Variants in ZSWIM6 observed in about 807,000 individuals in gnomAD.
ZSWIM6 encodes zinc finger SWIM-type containing 6.
Under a neutral mutation model 113.2 loss-of-function variants are expected in ZSWIM6, and 9 were observed. The ratio of observed to expected loss-of-function variants is 0.08; its 90% CI spans 0.05 to 0.14. ZSWIM6 has a LOEUF of 0.14. Among genes scored for constraint, ZSWIM6 ranks in the 10% least tolerant of loss-of-function variants. The pLI, the probability that ZSWIM6 is intolerant of heterozygous loss-of-function variation, is 1.00. For missense variants in ZSWIM6, 1,162 were observed against 1,552.2 expected (o/e 0.75, Z 4.22); for synonymous variants, 611 against 606.5 (o/e 1.01, Z -0.11).
At chr5:61,483,271 C>T (rs1388363841) in intron 2 of ZSWIM6, among the ~76,000 whole-genome samples, 1 of 152,062 alleles carries the variant, frequency 6.6e-6, no homozygotes, top group African/African-American at 2.4e-5. Context: ...CCCATGATAA[C>T]CCATTAATCC....
At chr5:61,434,519 C>T (rs955866487) in intron 1 of ZSWIM6, among the ~76,000 whole-genome samples, 10 of 151,652 alleles carry the variant, frequency 6.6e-5, no homozygotes, top group African/African-American at 2.4e-4. Flanking sequence ...TAGTTTAGTT[C>T]CCACTTGTGA....
chr5:61,332,583 C>G lies in ZSWIM6; in HGVS notation c.311C>G (p.Pro104Arg). ...VEERFERIPE[P>R]VQRRIVYWSF... ...GAGCGCTTTGAGCGCATCCCGGAGCCGGTGCAGCGCCGCATAGTCTATTGG... is the reference window on the plus strand; with the variant it reads ...GAGCGCTTTGAGCGCATCCCGGAGCGGGTGCAGCGCCGCATAGTCTATTGG... The change falls in exon 1 of 14, where the codon CCG becomes CGG. Residue 104 changes from proline to arginine, a missense_variant. By Grantham distance (103) the Pro-to-Arg change is moderately radical. This residue lies in a region of ZSWIM6 where 333 missense variants were observed against 293.4 expected (regional missense o/e 1.13). Coordinates refer to ENST00000252744, the MANE Select transcript of ZSWIM6 (RefSeq NM_020928.2). 7.4e-7 allele frequency: 1 copy of G among 1,355,262 alleles called. No individual in the cohort carries two copies. Among genetic ancestry groups the G allele is most frequent in the Non-Finnish European group, 9.7e-7 (1 of 1,026,296 alleles). The allele number at this position is 1,355,262 out of a possible 1,614,324, so 84.0% of individuals were successfully genotyped here. A position where few individuals can be genotyped will look rare whatever the true frequency, so the allele number is the denominator to read the frequency against.
At chr5:61,486,451 A>G (rs1294298725) in intron 2 of ZSWIM6, among the ~76,000 whole-genome samples, 2 of 152,152 alleles carry the variant, frequency 1.3e-5, no homozygotes, top group African/African-American at 4.8e-5. Flanking sequence ...TCCTCTGGGT[A>G]GATACCCAGT....
intron 4 of ZSWIM6, among the ~76,000 whole-genome samples, chr5:61,500,126 T>TATTATTATC (rs913117323): frequency 4.1e-5 from 6 of 145,794 alleles, no homozygotes; most frequent in African/African-American, 7.7e-5. Flanking sequence ...TTATTATTAT[T>TATTATTATC]ATCATTATCA....
At chr5:61,344,410 C>T (rs1744612664) in intron 1 of ZSWIM6, among the ~76,000 whole-genome samples, 1 of 152,164 alleles carries the variant, frequency 6.6e-6, no homozygotes, top group Admixed American at 6.5e-5. Context: ...TCAAGTGAGA[C>T]TTGAGGGCAG....
At chr5:61,481,714 C>T (rs2112199571) in intron 2 of ZSWIM6, among the ~76,000 whole-genome samples, 1 of 152,132 alleles carries the variant, frequency 6.6e-6, no homozygotes, top group East Asian at 1.9e-4. Context: ...AGTGGTCCTT[C>T]ATGTCCATGA....
At chr5:61,338,731 T>A (rs1397335203) in intron 1 of ZSWIM6, among the ~76,000 whole-genome samples, 1 of 152,220 alleles carries the variant, frequency 6.6e-6, no homozygotes, top group Non-Finnish European at 1.5e-5. Context: ...TTCATTCTTT[T>A]TAAAGTCTTT....
rs758185983 is a variant in ZSWIM6, at chr5:61,405,593, G to C, written c.677-67088G>C. ...AGATTGGTATTTTCTGTTCTTGGGA[G>C]GGTATTCCAGATACAGGAAAACTTG... is the stretch of plus-strand genomic sequence containing the variant. On this transcript the variant is annotated intron_variant, in intron 1 of 13. Coordinates refer to ENST00000252744, the MANE Select transcript of ZSWIM6 (RefSeq NM_020928.2). 5.3e-5 allele frequency among the ~76,000 whole-genome samples: 8 copies of C among 152,138 alleles called. 1 individual carries two copies. Among genetic ancestry groups the C allele is most frequent in the Non-Finnish European group, 1.5e-5 (1 of 68,018 alleles).
At chr5:61,352,889 A>G (rs1744822633) in intron 1 of ZSWIM6, among the ~76,000 whole-genome samples, 2 of 152,168 alleles carry the variant, frequency 1.3e-5, no homozygotes, top group Admixed American at 1.3e-4. Flanking sequence ...TGCATAGGTC[A>G]GTTCTCTTCT....
At chr5:61,350,561 T>C (rs1744761620) in intron 1 of ZSWIM6, among the ~76,000 whole-genome samples, 1 of 152,170 alleles carries the variant, frequency 6.6e-6, no homozygotes, top group African/African-American at 2.4e-5. Flanking sequence ...TGATTTTTTT[T>C]CTCAATTTAA....
At chr5:61,514,633 A>G (rs542056761) in intron 4 of ZSWIM6, among the ~76,000 whole-genome samples, 4 of 152,092 alleles carry the variant, frequency 2.6e-5, no homozygotes, top group Non-Finnish European at 5.9e-5. Flanking sequence ...TGAGATTATT[A>G]TATGGTTTTT....
intron 1 of ZSWIM6, among the ~76,000 whole-genome samples, chr5:61,368,872 T>A (rs924570737): frequency 2.6e-5 from 4 of 152,202 alleles, no homozygotes; most frequent in Non-Finnish European, 5.9e-5. Flanking sequence ...CTAGCAGCTG[T>A]ATGAACTTCT....
intron 2 of ZSWIM6, among the ~76,000 whole-genome samples, chr5:61,475,747 C>T (rs1331074772): frequency 6.6e-6 from 1 of 152,182 alleles, no homozygotes; most frequent in Non-Finnish European, 1.5e-5. Context: ...GGGAAATCTG[C>T]TCCCTGGAGG....
rs142012547 is a variant in ZSWIM6, at chr5:61,451,734, C to T, written c.677-20947C>T. 4.6e-5 allele frequency among the ~76,000 whole-genome samples: 7 copies of T among 152,202 alleles called. No individual in the cohort carries two copies. In the East Asian group the frequency reaches 1.4e-3, roughly 29 times the overall value. On this transcript the variant is annotated intron_variant, in intron 1 of 13. Coordinates refer to ENST00000252744, the MANE Select transcript of ZSWIM6 (RefSeq NM_020928.2). ...CTATAGATTCTGAATGGGTGTAATA[C>T]TTTCTGCATTGGTTTTTAGAAATTG...
At chr5:61,397,183 T>C (rs553920684) in intron 1 of ZSWIM6, among the ~76,000 whole-genome samples, 2 of 152,344 alleles carry the variant, frequency 1.3e-5, no homozygotes, top group African/African-American at 4.8e-5. Context: ...ACCATTAAAT[T>C]AGTTCAGGCT....
At chr5:61,521,501 A>T (rs554679260) in intron 5 of ZSWIM6, 59 bp downstream of exon 5, 5 of 1,269,044 alleles carry the variant, frequency 3.9e-6, no homozygotes, top group Non-Finnish European at 5.1e-6. Flanking sequence ...ATATGTGCTT[A>T]TAATAGTAAC....
intron 2 of ZSWIM6, among the ~76,000 whole-genome samples, chr5:61,479,417 C>G (rs1459435734): frequency 6.6e-6 from 1 of 152,114 alleles, no homozygotes; most frequent in Non-Finnish European, 1.5e-5. Context: ...CCTTCATCCT[C>G]TCTTCACCTC....
chr5:61,367,270 T>A (rs1287004882), intron 1 of ZSWIM6, among the ~76,000 whole-genome samples: 2 of 152,162 alleles, frequency 1.3e-5, no homozygotes, highest in African/African-American at 4.8e-5. Context: ...TCTTTTTTTT[T>A]AATTGGGACA....
chr5:61,483,778 G>A (rs1747942433), intron 2 of ZSWIM6, among the ~76,000 whole-genome samples: 2 of 151,438 alleles, frequency 1.3e-5, no homozygotes, highest in African/African-American at 2.4e-5. Flanking sequence ...TTGGGAGGCT[G>A]AGGCAGGAGA....
Sources: gnomAD v4.1 joint callset for allele counts (sites outside exome capture counted in the v4.1 genomes callset) on GRCh38, gnomAD v4.1.1 for gene constraint, gnomAD v4.1.1 regional missense constraint, MANE v1.5 for transcripts, NCBI Gene and HGNC (gene_info 2026-07-23, HGNC 2026-07-21) for gene names.